Variants in IREB2 observed in about 807,000 individuals in gnomAD.
The protein encoded by IREB2 is iron responsive element binding protein 2.
A neutral mutation model predicts 118.8 loss-of-function variants in IREB2; 39 were observed. The ratio of observed to expected loss-of-function variants is 0.33; its 90% CI spans 0.25 to 0.43. The LOEUF is 0.43. Among genes scored for constraint, IREB2 ranks in the 20% least tolerant of loss-of-function variants. The pLI is 1.00. For synonymous variants in IREB2, 372 were observed against 392.2 expected (o/e 0.95, Z 0.61); for missense variants, 900 against 1,147.3 (o/e 0.78, Z 3.11).
At chr15:78,467,208 CAA>C (rs377224708) in intron 5 of IREB2, among the ~76,000 whole-genome samples, 12 of 99,924 alleles carry the variant, frequency 1.2e-4, no homozygotes, top group Admixed American at 2.1e-4. Context: ...GAGACTGTCG[CAA>C]AAAAAAAAAA....
intron 5 of IREB2, 145 bp downstream of exon 5, chr15:78,466,634 A>G (rs976524855): frequency 1.6e-6 from 1 of 615,360 alleles, no homozygotes; most frequent in Non-Finnish European, 2.8e-6. Flanking sequence ...ATTTCCTGTT[A>G]TACTAAAAGA....
chr15:78,475,366 T>G (rs940264027), intron 8 of IREB2: 1 of 152,182 alleles, frequency 6.6e-6, no homozygotes, highest in Non-Finnish European at 1.5e-5. Context: ...AACCACATGT[T>G]AACAAATTCT....
chr15:78,478,792 C>G (rs1416478075), intron 10 of IREB2, among the ~76,000 whole-genome samples: 1 of 152,188 alleles, frequency 6.6e-6, no homozygotes, highest in Non-Finnish European at 1.5e-5. Flanking sequence ...AGCTGTATAA[C>G]CTTGGGCAAT....
At chr15:78,471,646 T>G in intron 6 of IREB2, 95 bp from the exon 7 acceptor site, 1 of 665,242 alleles carries the variant, frequency 1.5e-6, no homozygotes, top group South Asian at 3.3e-5. Context: ...TATTGAACAT[T>G]AGTTAAAATA....
chr15:78,459,620 G>T (rs12442456), intron 2 of IREB2, among the ~76,000 whole-genome samples: 22,328 of 152,192 alleles, frequency 0.15, 2,040 homozygotes, highest in South Asian at 0.32. Flanking sequence ...AAAATTTTGC[G>T]ATTACAGGCG....
intron 20 of IREB2, among the ~76,000 whole-genome samples, chr15:78,496,849 G>A (rs10450964): frequency 0.022 from 3,396 of 152,180 alleles, 134 homozygotes; most frequent in East Asian, 0.092. Context: ...CAAGGGAGCC[G>A]GCCCATTTAT....
intron 13 of IREB2, among the ~76,000 whole-genome samples, chr15:78,486,170 G>C (rs1434593646): frequency 6.6e-6 from 1 of 152,216 alleles, no homozygotes; most frequent in African/African-American, 2.4e-5. Context: ...CAATTTCTGT[G>C]AGTTGTGTAG....
At chr15:78,461,491 A>T (rs940370988) in intron 2 of IREB2, among the ~76,000 whole-genome samples, 2 of 152,224 alleles carry the variant, frequency 1.3e-5, no homozygotes, top group South Asian at 2.1e-4. Flanking sequence ...AAAAAAAAGG[A>T]TGTTTAAAAA....
intron 21 of IREB2, among the ~76,000 whole-genome samples, 198 bp downstream of exon 21, chr15:78,497,509 G>T (rs1015628715): frequency 1.3e-5 from 2 of 152,064 alleles, no homozygotes; most frequent in Non-Finnish European, 2.9e-5. Context: ...AAAGAACTGG[G>T]TGCTTATACC....
chr15:78,444,338 CTA>C (rs919102817), intron 2 of IREB2, among the ~76,000 whole-genome samples: 15 of 152,014 alleles, frequency 9.9e-5, no homozygotes, highest in African/African-American at 3.4e-4. Context: ...ACATGAATGA[CTA>C]TGTTGAATGA....
At chr15:78,446,700 G>A (rs545871116) in intron 2 of IREB2, among the ~76,000 whole-genome samples, 4 of 152,052 alleles carry the variant, frequency 2.6e-5, no homozygotes, top group Non-Finnish European at 5.9e-5. Flanking sequence ...TTTCTGAGAG[G>A]TGAATCTAAT....
chr15:78,476,171 G>C lies in IREB2; in HGVS notation c.1024-17G>C. 6.5e-7 allele frequency: 1 copy of C among 1,548,042 alleles called. No homozygotes were observed. Among genetic ancestry groups the C allele is most frequent in the Non-Finnish European group, 8.8e-7 (1 of 1,134,816 alleles). On this transcript the variant is annotated splice_polypyrimidine_tract_variant and intron_variant, in intron 8 of 21. Transcript: ENST00000258886. ...TCTTTGCAATTTTGTATGTGTTTCT[G>C]TGTATTCCTTATATAGCACCTCAGG...
chr15:78,495,927 A>G (rs867065044), intron 20 of IREB2, among the ~76,000 whole-genome samples: 2 of 152,228 alleles, frequency 1.3e-5, no homozygotes, highest in Middle Eastern at 3.2e-3. Flanking sequence ...GTTGAAAAAC[A>G]CAAGTCTAGA....
At chr15:78,473,066 G>T (rs933822347) in intron 7 of IREB2, among the ~76,000 whole-genome samples, 176 bp from the exon 8 acceptor site, 6 of 152,024 alleles carry the variant, frequency 3.9e-5, no homozygotes, top group African/African-American at 1.5e-4. Flanking sequence ...TCGACCGTGC[G>T]AGTGGAATCA....
intron 2 of IREB2, among the ~76,000 whole-genome samples, chr15:78,444,258 A>G (rs1239156167): frequency 6.6e-6 from 1 of 152,106 alleles, no homozygotes; most frequent in Non-Finnish European, 1.5e-5. Flanking sequence ...GAGTGGAGAA[A>G]TCAGTGGTGT....
intron 13 of IREB2, among the ~76,000 whole-genome samples, chr15:78,487,178 C>T (rs180753200): frequency 1.5e-5 from 1 of 65,020 alleles, no homozygotes; most frequent in African/African-American, 4.1e-5. Context: ...TTACTCCTAT[C>T]AGAGTGCCCA....
chr15:78,482,405 T>C (rs560701700), intron 10 of IREB2, among the ~76,000 whole-genome samples: 1 of 152,174 alleles, frequency 6.6e-6, no homozygotes, highest in African/African-American at 2.4e-5. Context: ...AGGAATCTAG[T>C]TGGAAGTGGG....
chr15:78,496,385 G>T (rs2051837915), intron 20 of IREB2, among the ~76,000 whole-genome samples: 1 of 152,090 alleles, frequency 6.6e-6, no homozygotes, highest in Non-Finnish European at 1.5e-5. Context: ...TCCTGCCTCA[G>T]CCTCCATAGT....
Position 78,485,749 on chromosome 15 carries a change from C to G in IREB2, c.1618C>G (p.Pro540Ala), listed in dbSNP as rs1278754318. The change falls in exon 13 of 22, where the codon CCT (proline) becomes GCT (alanine). Residue 540 changes from proline to alanine, a missense_variant. Transcript: ENST00000258886. ...TGTTGAAGCTGGTCTGCGTGTTAAACCTTATATAAGAACAAGTTTATCTCC... is the reference window on the plus strand; with the variant it reads ...TGTTGAAGCTGGTCTGCGTGTTAAAGCTTATATAAGAACAAGTTTATCTCC... Reference protein sequence around the residue: ...KAVEAGLRVKPYIRTSLSPGS... With the variant: ...KAVEAGLRVKAYIRTSLSPGS... The G allele has an allele frequency of 6.2e-7, 1 of 1,613,914 alleles. No individual in the cohort carries two copies. Among genetic ancestry groups the G allele is most frequent in the Middle Eastern group, 1.7e-4 (1 of 6,060 alleles).
Sources: gnomAD v4.1 joint callset for allele counts (sites outside exome capture counted in the v4.1 genomes callset) on GRCh38, gnomAD v4.1.1 for gene constraint, MANE v1.5 for transcripts, NCBI Gene and HGNC (gene_info 2026-07-23, HGNC 2026-07-21) for gene names.